The following BDP1 variants were observed in gnomAD, a reference collection of about 807,000 sequenced individuals.
The protein encoded by BDP1 is BDP1 general transcription factor IIIB subunit.
BDP1 carries 169 observed loss-of-function variants against 266.6 expected under a neutral mutation model. The ratio of observed to expected loss-of-function variants is 0.63; its 90% CI spans 0.56 to 0.72. The LOEUF (loss-of-function observed/expected upper bound fraction) is 0.72. BDP1 is among the 30% of genes least tolerant of loss of function. The pLI, the probability that BDP1 is intolerant of heterozygous loss-of-function variation, is 0.00. For synonymous variants in BDP1, 1,090 were observed against 1,022.4 expected (o/e 1.07, Z -1.26); for missense variants, 3,015 against 3,053.8 (o/e 0.99, Z 0.30).
At chr5:71,562,648 T>C (rs1743759014) in intron 38 of BDP1, 128 bp downstream of exon 38, 3 of 1,480,712 alleles carry the variant, frequency 2.0e-6, no homozygotes, top group Middle Eastern at 1.7e-4. Flanking sequence ...ACTCCCATCC[T>C]TCTCTCCATC....
chr5:71,462,027 A>G lies in BDP1; in HGVS notation c.599+101A>G, dbSNP rs993045898. 28 of 682,122 alleles carry G rather than the reference A, an allele frequency of 4.1e-5. 1 individual carries two copies. Among genetic ancestry groups the G allele is most frequent in the South Asian group, 6.5e-5 (4 of 61,346 alleles). The allele number at this position is 682,122 out of a possible 1,614,324, so 42.3% of individuals were successfully genotyped here. The stretch of plus-strand genomic sequence containing the variant: ...ACCCGGGCTGGAGTGCAGTGGTGCA[A>G]TCTTGGCTCACTGCAACCTCTGCCT... On this transcript the variant is annotated intron_variant, in intron 3 of 38. Transcript: ENST00000358731.
chr5:71,568,146 G>C (rs2112168497), downstream of BDP1, among the ~76,000 whole-genome samples: 1 of 152,216 alleles, frequency 6.6e-6, no homozygotes, highest in South Asian at 2.1e-4. Flanking sequence ...CCCTGTCTTT[G>C]TGGGGAGGAG....
chr5:71,542,145 A>G lies in BDP1; in HGVS notation c.6292A>G (p.Ser2098Gly). The G allele has an allele frequency of 6.2e-7, 1 of 1,609,842 alleles. No individual in the cohort carries two copies. Among genetic ancestry groups the G allele is most frequent in the African/African-American group, 1.3e-5 (1 of 74,866 alleles). The change falls in exon 30 of 39, where the codon AGT (serine) becomes GGT (glycine). Residue 2098 changes from serine (S) to glycine (G), a missense_variant. Physicochemically the swap from Ser to Gly is moderately conservative, Grantham distance 56. Coordinates refer to ENST00000358731, the MANE Select transcript of BDP1 (RefSeq NM_018429.3). ...AGTGACCAGTAATTTGAGAATAAGAAGTAGGCTTGCTAAGCCTAAACCAAA... is the reference window on the plus strand; with the variant it reads ...AGTGACCAGTAATTTGAGAATAAGAGGTAGGCTTGCTAAGCCTAAACCAAA... The part of the protein sequence containing the change: ...SKVTSNLRIR[S>G]RLAKPKPNLE...
intron 16 of BDP1, among the ~76,000 whole-genome samples, chr5:71,506,852 G>T (rs372037713): frequency 6.8e-6 from 1 of 146,600 alleles, no homozygotes. Context: ...CAAGGGTCTT[G>T]CTCTGTCACC....
At chr5:71,539,122 C>T in intron 27 of BDP1, 44 bp downstream of exon 27, 3 of 1,318,622 alleles carry the variant, frequency 2.3e-6, no homozygotes, top group Non-Finnish European at 3.2e-6. Context: ...TTGATTAACA[C>T]TAGTACAGTG....
intron 15 of BDP1, among the ~76,000 whole-genome samples, chr5:71,503,082 A>T (rs1764357236): frequency 6.6e-6 from 1 of 151,648 alleles, no homozygotes; most frequent in Non-Finnish European, 1.5e-5. Flanking sequence ...AAAAAAAAAA[A>T]TTCACATGAT....
At chr5:71,522,151 C>T in intron 22 of BDP1, 138 bp from the exon 23 acceptor site, 1 of 640,690 alleles carries the variant, frequency 1.6e-6, no homozygotes, top group Non-Finnish European at 2.7e-6. Flanking sequence ...ATTTTACATG[C>T]TTGATTTTAT....
At chr5:71,500,316 C>CTTTTTT (rs58201517) in intron 13 of BDP1, among the ~76,000 whole-genome samples, 1 of 73,100 alleles carries the variant, frequency 1.4e-5, no homozygotes, top group Admixed American at 1.5e-4. Flanking sequence ...AATCTTGTTT[C>CTTTTTT]TTTTTTTTTT....
chr5:71,456,020 C>T lies in BDP1; in HGVS notation c.143C>T (p.Ala48Val). The T allele has an allele frequency of 1.2e-6, 2 of 1,613,512 alleles. No individual in the cohort carries two copies. The highest frequency in any genetic ancestry group is 1.7e-6 in the Non-Finnish European group (2 of 1,179,942). Residue 48 changes from alanine (A) to valine (V), a missense_variant, in exon 1 of 39, where the codon GCG becomes GTG. Physicochemically the swap from Ala to Val is moderately conservative, Grantham distance 64 (BLOSUM62 0). Transcript: ENST00000358731. ...DPATDSASKP[A>V]EPTDVPTVDF... ...GCCACGGACTCTGCTTCCAAGCCCGCGGAGCCCACAGATGTGCCCACAGTC... is the reference window on the plus strand; with the variant it reads ...GCCACGGACTCTGCTTCCAAGCCCGTGGAGCCCACAGATGTGCCCACAGTC...
At chr5:71,484,767 A>T (rs972421319) in intron 8 of BDP1, among the ~76,000 whole-genome samples, 1 of 152,130 alleles carries the variant, frequency 6.6e-6, no homozygotes. Flanking sequence ...ATTTACAATT[A>T]TCAGTATTTT....
intron 16 of BDP1, among the ~76,000 whole-genome samples, chr5:71,506,752 G>A: frequency 7.4e-6 from 1 of 135,836 alleles, no homozygotes. Context: ...ATGTTTGTTT[G>A]GAGGTTTATA....
chr5:71,461,875 A>G lies in BDP1; in HGVS notation c.548A>G (p.Lys183Arg). ...NESQRPPDRSKMTMRDFIYYL... is the reference protein window; with the variant it reads ...NESQRPPDRSRMTMRDFIYYL... ...AGTCAGAGGCCACCAGATCGTTCAA[A>G]AATGACTATGAGAGACTTCATATAT... The change falls in exon 3 of 39, where the codon AAA becomes AGA. Residue 183 changes from lysine (K) to arginine (R), a missense_variant. Around this residue, in one of 3 missense-constraint regions of BDP1, gnomAD observed 2,383 missense variants for 2,404.9 expected, o/e 0.99. Transcript: ENST00000358731. 1 of 1,609,292 alleles carries G rather than the reference A, an allele frequency of 6.2e-7. No individual in the cohort carries two copies. Among genetic ancestry groups the G allele is most frequent in the Non-Finnish European group, 8.5e-7 (1 of 1,176,698 alleles).
At position 71,489,696 on chromosome 5, in the gene BDP1, A is replaced by G. The variant is rs375628426; in HGVS notation, c.1492+14A>G. 1.8e-5 allele frequency: 28 copies of G among 1,584,132 alleles called. No homozygotes were observed. The highest frequency in any genetic ancestry group is 1.5e-4 in the African/African-American group (11 of 73,110). ...AAAAACACAAGAGTAAGTTTCTTAC[A>G]TATTTAAAAAGCCTCTATATTACTT... On this transcript the variant is annotated intron_variant, in intron 10 of 38. Transcript: ENST00000358731.
chr5:71,457,086 C>T (rs572432798), intron 1 of BDP1, among the ~76,000 whole-genome samples: 1 of 152,000 alleles, frequency 6.6e-6, no homozygotes, highest in Non-Finnish European at 1.5e-5. Flanking sequence ...AAAGGAGATA[C>T]CGATACTAGT....
chr5:71,492,546 A>T (rs576075528), intron 11 of BDP1, among the ~76,000 whole-genome samples: 3 of 152,148 alleles, frequency 2.0e-5, no homozygotes, highest in Non-Finnish European at 2.9e-5. Flanking sequence ...CTTTGGAGAC[A>T]TGTCTATTCA....
chr5:71,564,349 A>G (rs932777438), intron 38 of BDP1, among the ~76,000 whole-genome samples: 1 of 123,266 alleles, frequency 8.1e-6, no homozygotes, highest in Non-Finnish European at 1.9e-5. Flanking sequence ...TAATTAAAGT[A>G]TTTTTACTTT....
downstream of BDP1, among the ~76,000 whole-genome samples, chr5:71,569,889 G>A (rs906094704): frequency 1.3e-5 from 2 of 152,158 alleles, no homozygotes; most frequent in African/African-American, 4.8e-5. Flanking sequence ...TTGTTCATTC[G>A]GACCTGTCTG....
intron 7 of BDP1, among the ~76,000 whole-genome samples, chr5:71,480,746 C>G (rs1222278679): frequency 6.8e-6 from 1 of 147,814 alleles, no homozygotes; most frequent in Non-Finnish European, 1.5e-5. Flanking sequence ...GTATTTTTAG[C>G]AGAGATGTGG....
intron 33 of BDP1, 112 bp from the exon 34 acceptor site, chr5:71,549,308 A>T: frequency 1.2e-6 from 1 of 859,246 alleles, no homozygotes; most frequent in Non-Finnish European, 1.8e-6. Flanking sequence ...TTATTTATTT[A>T]GTCTTGATGA....
Sources: gnomAD v4.1 joint callset for allele counts (sites outside exome capture counted in the v4.1 genomes callset) on GRCh38, gnomAD v4.1.1 for gene constraint, gnomAD v4.1.1 regional missense constraint, MANE v1.5 for transcripts, NCBI Gene and HGNC (gene_info 2026-07-23, HGNC 2026-07-21) for gene names.